Variants in GLP2R observed in about 807,000 individuals in gnomAD.
The protein encoded by GLP2R is glucagon like peptide 2 receptor.
GLP2R carries 59 observed loss-of-function variants against 68.2 expected under a neutral mutation model. The ratio of observed to expected loss-of-function variants is 0.87; its 90% CI spans 0.70 to 1.07. The LOEUF is 1.07. GLP2R is among the 50% of genes least tolerant of loss of function. The pLI, the probability that GLP2R is intolerant of heterozygous loss-of-function variation, is 0.00. For missense variants in GLP2R, 548 were observed against 677.4 expected (o/e 0.81, Z 2.12); for synonymous variants, 270 against 265.4 (o/e 1.02, Z -0.17).
At chr17:9,830,017 A>G (rs1417866793) in intron 1 of GLP2R, among the ~76,000 whole-genome samples, 1 of 152,222 alleles carries the variant, frequency 6.6e-6, no homozygotes, top group African/African-American at 2.4e-5. Flanking sequence ...TTGGAAAAAA[A>G]TTCACCCGTA....
chr17:9,837,955 T>C (rs959894597), intron 3 of GLP2R, among the ~76,000 whole-genome samples: 2 of 152,146 alleles, frequency 1.3e-5, no homozygotes, highest in Non-Finnish European at 1.5e-5. Flanking sequence ...TTTGCGCCTC[T>C]AGAGCAGAGA....
chr17:9,888,378 A>G (rs2067262034), intron 12 of GLP2R, among the ~76,000 whole-genome samples: 1 of 152,220 alleles, frequency 6.6e-6, no homozygotes, highest in Non-Finnish European at 1.5e-5. Flanking sequence ...AGCAACAATC[A>G]TCCCTGCTTT....
intron 2 of GLP2R, among the ~76,000 whole-genome samples, chr17:9,835,230 T>A (rs1448844933): frequency 6.6e-6 from 1 of 152,092 alleles, no homozygotes; most frequent in East Asian, 1.9e-4. Context: ...GGTTTCACCA[T>A]GTTGGCCAGG....
intron 10 of GLP2R, among the ~76,000 whole-genome samples, chr17:9,876,263 A>G (rs1465660934): frequency 6.6e-6 from 1 of 152,230 alleles, no homozygotes; most frequent in East Asian, 1.9e-4. Context: ...GCTTTTCCTT[A>G]ACCCTCTTAG....
At chr17:9,877,926 G>A (rs1260201008) in intron 10 of GLP2R, among the ~76,000 whole-genome samples, 1 of 150,878 alleles carries the variant, frequency 6.6e-6, no homozygotes, top group Non-Finnish European at 1.5e-5. Flanking sequence ...AGAGACATGG[G>A]AACTCTCTGT....
At chr17:9,856,043 C>A (rs2152038228) in intron 5 of GLP2R, among the ~76,000 whole-genome samples, 1 of 152,326 alleles carries the variant, frequency 6.6e-6, no homozygotes, top group Admixed American at 6.5e-5. Flanking sequence ...CTGGGCTCTG[C>A]TAGCCCTGGG....
intron 3 of GLP2R, among the ~76,000 whole-genome samples, chr17:9,838,416 C>T (rs952150239): frequency 1.3e-5 from 2 of 152,106 alleles, no homozygotes; most frequent in Non-Finnish European, 1.5e-5. Context: ...GGGAGGAGCC[C>T]CTTGGATTCC....
intron 10 of GLP2R, among the ~76,000 whole-genome samples, chr17:9,879,543 T>G (rs2067175159): frequency 6.6e-6 from 1 of 151,948 alleles, no homozygotes. Context: ...AGGTGTGGAT[T>G]CAGGGAGTTG....
chr17:9,837,549 T>C (rs919548470), intron 3 of GLP2R, among the ~76,000 whole-genome samples: 6 of 152,144 alleles, frequency 3.9e-5, no homozygotes, highest in African/African-American at 1.4e-4. Context: ...TGCATTCACA[T>C]TGAAAGGAGG....
At chr17:9,874,841 C>T (rs923394790) in intron 10 of GLP2R, among the ~76,000 whole-genome samples, 2 of 152,160 alleles carry the variant, frequency 1.3e-5, no homozygotes, top group African/African-American at 4.8e-5. Flanking sequence ...CAGAGTCTTG[C>T]TGTTGAAGGA....
intron 11 of GLP2R, among the ~76,000 whole-genome samples, chr17:9,887,459 G>A (rs529993129): frequency 6.6e-5 from 10 of 152,140 alleles, no homozygotes; most frequent in African/African-American, 1.9e-4. Context: ...CTCGGGAGGC[G>A]GAGGTTGCAG....
chr17:9,854,377 AT>A (rs2066916797), intron 4 of GLP2R, 117 bp from the exon 5 acceptor site: 1 of 703,160 alleles, frequency 1.4e-6, no homozygotes, highest in Admixed American at 2.1e-5. Flanking sequence ...GGAAGGAAAC[AT>A]TTAAAAAAAT....
At chr17:9,833,207 TG>T (rs1395762603) in intron 1 of GLP2R, among the ~76,000 whole-genome samples, 1 of 151,406 alleles carries the variant, frequency 6.6e-6, no homozygotes, top group Non-Finnish European at 1.5e-5. Context: ...GAGGTTGCAG[TG>T]AGTTGAGATC....
At chr17:9,885,277 C>T (rs1038821931) in intron 11 of GLP2R, among the ~76,000 whole-genome samples, 8 of 151,916 alleles carry the variant, frequency 5.3e-5, no homozygotes, top group African/African-American at 1.9e-4. Flanking sequence ...GCAACCTCCA[C>T]CTCCCAGGTT....
At chr17:9,872,997 G>T (rs1334686506) in intron 10 of GLP2R, among the ~76,000 whole-genome samples, 1 of 152,154 alleles carries the variant, frequency 6.6e-6, no homozygotes, top group Non-Finnish European at 1.5e-5. Context: ...CCTGGCCTGG[G>T]CTCCAGGGAG....
At chr17:9,833,493 A>T (rs928454816) in intron 1 of GLP2R, among the ~76,000 whole-genome samples, 4 of 152,226 alleles carry the variant, frequency 2.6e-5, no homozygotes, top group African/African-American at 9.6e-5. Context: ...TCTTAGAAGC[A>T]TGCAACTATT....
Position 9,854,668 on chromosome 17 carries a change from A to T in GLP2R, c.611+67A>T, listed in dbSNP as rs2066920184. 18 of 912,026 alleles carry T rather than the reference A, an allele frequency of 2.0e-5. No individual in the cohort carries two copies. In the South Asian group the frequency reaches 2.2e-4, roughly 11 times the overall value. 56.5% of individuals were successfully genotyped at this position (912,026 alleles called of 1,614,324 possible). ...TAGCCCTCCTTCATCTACAGGGGATATGTTCTAAGAGTTCCAGTAGATGCC... is the reference window on the plus strand; with the variant it reads ...TAGCCCTCCTTCATCTACAGGGGATTTGTTCTAAGAGTTCCAGTAGATGCC... On this transcript the variant is annotated intron_variant, in intron 5 of 12. Transcript: ENST00000262441.
chr17:9,853,251 T>C, intron 4 of GLP2R: 1 of 312,594 alleles, frequency 3.2e-6, no homozygotes, highest in South Asian at 4.0e-5. Context: ...AGTTCACAAC[T>C]GAAAACATAG....
intron 11 of GLP2R, among the ~76,000 whole-genome samples, chr17:9,886,478 C>A (rs2067245097): frequency 6.6e-6 from 1 of 152,188 alleles, no homozygotes; most frequent in African/African-American, 2.4e-5. Flanking sequence ...ATCCTGGCAC[C>A]CTAAAAGCCA....
Sources: gnomAD v4.1 joint callset for allele counts (sites outside exome capture counted in the v4.1 genomes callset) on GRCh38, gnomAD v4.1.1 for gene constraint, MANE v1.5 for transcripts, NCBI Gene and HGNC (gene_info 2026-07-23, HGNC 2026-07-21) for gene names.